Variants in MYO3B observed in about 807,000 individuals in gnomAD.
The protein encoded by MYO3B is myosin IIIB, also known as myosin-IIIb.
A neutral mutation model predicts 174.6 loss-of-function variants in MYO3B; 156 were observed. The ratio of observed to expected loss-of-function variants is 0.89; its 90% CI spans 0.78 to 1.02. The LOEUF (loss-of-function observed/expected upper bound fraction) is 1.02. Ranked by LOEUF, MYO3B falls within the 50% of genes least tolerant of loss-of-function variation. MYO3B has a pLI of 0.00. For missense variants in MYO3B, 1,632 were observed against 1,639.4 expected, an observed-to-expected ratio of 1.00 and a Z score of 0.08; for synonymous variants, 563 against 569.1, an observed-to-expected ratio of 0.99 and a Z score of 0.15.
chr2:170,454,792 G>C (rs1013098331), intron 23 of MYO3B, among the ~76,000 whole-genome samples: 3 of 152,210 alleles, frequency 2.0e-5, no homozygotes, highest in Non-Finnish European at 4.4e-5. Context: ...AGCTGTGTGG[G>C]AGACCAGAGT....
intron 32 of MYO3B, among the ~76,000 whole-genome samples, chr2:170,566,907 G>C (rs951443158): frequency 1.4e-4 from 21 of 152,124 alleles, no homozygotes; most frequent in Non-Finnish European, 2.8e-4. Flanking sequence ...TGAAAGCAGG[G>C]CAGTAACCCT....
intron 8 of MYO3B, among the ~76,000 whole-genome samples, chr2:170,359,592 T>C (rs1363671673): frequency 6.6e-6 from 1 of 152,186 alleles, no homozygotes; most frequent in East Asian, 1.9e-4. Flanking sequence ...CATTGTTCTG[T>C]TCTACTCATA....
chr2:170,616,366 G>A (rs1236461860), intron 32 of MYO3B, among the ~76,000 whole-genome samples: 1 of 152,130 alleles, frequency 6.6e-6, no homozygotes, highest in East Asian at 1.9e-4. Flanking sequence ...TCTTGGTGAT[G>A]TGAAACCTCC....
At chr2:170,429,634 C>T (rs879708320) in intron 22 of MYO3B, among the ~76,000 whole-genome samples, 2 of 152,182 alleles carry the variant, frequency 1.3e-5, no homozygotes, top group African/African-American at 2.4e-5. Flanking sequence ...ATTTGTCTTA[C>T]AAGCTCTCTG....
At chr2:170,237,951 T>G (rs2093090142) in intron 7 of MYO3B, among the ~76,000 whole-genome samples, 1 of 152,220 alleles carries the variant, frequency 6.6e-6, no homozygotes, top group Non-Finnish European at 1.5e-5. Flanking sequence ...CACTTGCCAT[T>G]GTCACAACCT....
intron 23 of MYO3B, among the ~76,000 whole-genome samples, chr2:170,455,982 C>G (rs930938274): frequency 3.9e-5 from 6 of 152,146 alleles, no homozygotes; most frequent in Admixed American, 3.9e-4. Context: ...GACTTCCTCA[C>G]TCTCTGAAAG....
At chr2:170,558,949 C>T (rs79472222) in intron 32 of MYO3B, among the ~76,000 whole-genome samples, 5,353 of 152,336 alleles carry the variant, frequency 0.035, 299 homozygotes, top group African/African-American at 0.12. Context: ...TAACACACTA[C>T]TTCACATGTA....
chr2:170,383,754 C>A lies in MYO3B; in HGVS notation c.1230C>A (p.Pro410=), dbSNP rs2094353004. The A allele has an allele frequency of 2.5e-6, 4 of 1,613,868 alleles. No homozygotes were observed. The East Asian group carries it at 8.9e-5, about 36-fold the overall frequency. The stretch of plus-strand genomic sequence containing the variant: ...GGGTGAAACGCGCCTCCAATCCCCC[C>A]CACATATTTGCATCAGCAGATGCTG... ...YHGVKRASNP[P]HIFASADAAY... Residue 410 remains proline (P), a synonymous_variant, in exon 12 of 35, where the codon CCC becomes CCA. Coordinates refer to ENST00000408978, the MANE Select transcript of MYO3B (RefSeq NM_138995.5).
chr2:170,225,873 T>G (rs4668224), intron 6 of MYO3B, among the ~76,000 whole-genome samples: 102,259 of 152,156 alleles, frequency 0.67, 34,889 homozygotes, highest in African/African-American at 0.78. Context: ...CCAGACGCAA[T>G]AGGGGCTTCT....
At chr2:170,576,535 G>A (rs1191607368) in intron 32 of MYO3B, among the ~76,000 whole-genome samples, 1 of 152,200 alleles carries the variant, frequency 6.6e-6, no homozygotes, top group Non-Finnish European at 1.5e-5. Context: ...AGAGTCATAT[G>A]GCAAAGAAGT....
intron 32 of MYO3B, among the ~76,000 whole-genome samples, chr2:170,573,602 A>G (rs964053693): frequency 4.6e-5 from 7 of 152,188 alleles, no homozygotes; most frequent in Non-Finnish European, 8.8e-5. Context: ...TTTCATTGCT[A>G]TAAAATTCTC....
At chr2:170,602,202 C>T (rs1336487793) in intron 32 of MYO3B, 34 of 1,229,366 alleles carry the variant, frequency 2.8e-5, no homozygotes, top group East Asian at 6.9e-5. Context: ...TTTTGCCTCT[C>T]GGCTTCTTAG....
chr2:170,631,348 G>A (rs1348280954), intron 32 of MYO3B, among the ~76,000 whole-genome samples: 3 of 151,612 alleles, frequency 2.0e-5, no homozygotes, highest in Admixed American at 1.3e-4. Flanking sequence ...GAAGTTTAGA[G>A]AAAAAAGAAT....
At chr2:170,381,958 C>T (rs973516290) in intron 9 of MYO3B, 58 bp from the exon 10 acceptor site, 26 of 1,430,536 alleles carry the variant, frequency 1.8e-5, no homozygotes, top group Middle Eastern at 1.8e-4. Context: ...GCTTGCTGCC[C>T]GCTTTCTGCT....
chr2:170,544,428 G>A (rs1690338480), intron 32 of MYO3B, among the ~76,000 whole-genome samples: 1 of 152,150 alleles, frequency 6.6e-6, no homozygotes, highest in African/African-American at 2.4e-5. Context: ...ACTCTTTCTG[G>A]CTCGTTTTCT....
chr2:170,280,925 G>T (rs2093503920), intron 7 of MYO3B, among the ~76,000 whole-genome samples: 1 of 152,180 alleles, frequency 6.6e-6, no homozygotes, highest in African/African-American at 2.4e-5. Flanking sequence ...CTCCAGTTTT[G>T]TTCTTTTTGC....
rs533440462 is a variant in MYO3B at position 170,481,708 on chromosome 2, C to T, written c.3014+14997C>T. Among the ~76,000 whole-genome samples the T allele has an allele frequency of 7.2e-4, 110 of 152,248 alleles. No individual in the cohort carries two copies. In the Middle Eastern group the frequency reaches 0.01, roughly 14 times the overall value. On this transcript the variant is annotated intron_variant, in intron 25 of 34. Coordinates refer to ENST00000408978, the MANE Select transcript of MYO3B (RefSeq NM_138995.5). ...CATTGTGAGTAAAATATATTTCATG[C>T]TTGTATGAAGTCTCCACATCTACCT... is the stretch of plus-strand genomic sequence containing the variant.
intron 32 of MYO3B, among the ~76,000 whole-genome samples, chr2:170,624,496 T>C (rs1390320956): frequency 6.6e-6 from 1 of 152,224 alleles, no homozygotes; most frequent in Non-Finnish European, 1.5e-5. Flanking sequence ...AGATATACAA[T>C]CATGTCATCT....
chr2:170,194,088 C>G (rs995730119), intron 1 of MYO3B, among the ~76,000 whole-genome samples: 2 of 152,120 alleles, frequency 1.3e-5, no homozygotes, highest in Admixed American at 1.3e-4. Flanking sequence ...ATTTTGGAAT[C>G]ATGTGACTTT....
Sources: gnomAD v4.1 joint callset for allele counts (sites outside exome capture counted in the v4.1 genomes callset) on GRCh38, gnomAD v4.1.1 for gene constraint, MANE v1.5 for transcripts, NCBI Gene and HGNC (gene_info 2026-07-23, HGNC 2026-07-21) for gene names.